Variants in FAM240B observed in about 807,000 individuals in gnomAD.
The protein encoded by FAM240B is family with sequence similarity 240 member B.
chr9:38,700,989 G>T (rs970177902), intron 2 of FAM240B, among the ~76,000 whole-genome samples: 2 of 152,240 alleles, frequency 1.3e-5, no homozygotes, highest in African/African-American at 4.8e-5. Context: ...AGGAACGTAA[G>T]ACATTACTGG....
intron 1 of FAM240B, among the ~76,000 whole-genome samples, chr9:38,712,753 A>G (rs923905497): frequency 3.9e-5 from 6 of 152,216 alleles, no homozygotes; most frequent in African/African-American, 7.2e-5. Flanking sequence ...TCTGGGAAAT[A>G]AATCTTATTA....
chr9:38,696,567 T>C (rs1323462628), intron 2 of FAM240B, among the ~76,000 whole-genome samples: 4 of 152,170 alleles, frequency 2.6e-5, no homozygotes, highest in Non-Finnish European at 4.4e-5. Context: ...ACATTCATTC[T>C]GGGAGGCCAA....
chr9:38,719,175 A>C (rs757875555), intron 1 of FAM240B, among the ~76,000 whole-genome samples: 5 of 152,198 alleles, frequency 3.3e-5, no homozygotes, highest in Non-Finnish European at 5.9e-5. Context: ...AAGGGCAAAT[A>C]TCAATAATTA....
At chr9:38,713,185 G>T (rs1056057130) in intron 1 of FAM240B, among the ~76,000 whole-genome samples, 9 of 152,064 alleles carry the variant, frequency 5.9e-5, no homozygotes, top group Non-Finnish European at 1.2e-4. Context: ...TCTAGTTCAA[G>T]AATTAGATTT....
intron 1 of FAM240B, among the ~76,000 whole-genome samples, chr9:38,704,797 T>C (rs555288428): frequency 6.6e-6 from 1 of 152,280 alleles, no homozygotes; most frequent in East Asian, 1.9e-4. Flanking sequence ...TACAGCTCTG[T>C]CTCCACTCAC....
intron 1 of FAM240B, among the ~76,000 whole-genome samples, chr9:38,707,634 AAAC>A (rs371109293): frequency 0.056 from 8,305 of 148,054 alleles, 325 homozygotes; most frequent in Non-Finnish European, 0.086. Flanking sequence ...AACAAAAAAA[AAAC>A]CAAAAAATTA....
intron 2 of FAM240B, among the ~76,000 whole-genome samples, chr9:38,695,305 G>A (rs1447908307): frequency 1.3e-5 from 2 of 152,314 alleles, no homozygotes; most frequent in Non-Finnish European, 1.5e-5. Flanking sequence ...GATCGCGCAC[G>A]AGGTCAGGAG....
intron 1 of FAM240B, among the ~76,000 whole-genome samples, chr9:38,716,194 C>T (rs941079938): frequency 6.6e-5 from 10 of 152,126 alleles, no homozygotes; most frequent in South Asian, 2.1e-4. Context: ...GCCCTTGGCC[C>T]GGTGCGGTGG....
intron 2 of FAM240B, among the ~76,000 whole-genome samples, chr9:38,700,474 G>A (rs184612710): frequency 1.3e-5 from 2 of 152,286 alleles, no homozygotes; most frequent in East Asian, 1.9e-4. Context: ...TATAAGCACT[G>A]TCCAGTTTCT....
chr9:38,699,960 G>A (rs1238421954), intron 2 of FAM240B, among the ~76,000 whole-genome samples: 5 of 152,200 alleles, frequency 3.3e-5, no homozygotes, highest in Non-Finnish European at 7.3e-5. Context: ...TAGGCAGGAA[G>A]CATGCCTTGA....
intron 1 of FAM240B, among the ~76,000 whole-genome samples, chr9:38,704,465 T>G (rs1027645583): frequency 6.6e-6 from 1 of 152,254 alleles, no homozygotes; most frequent in East Asian, 1.9e-4. Flanking sequence ...TTTGACTCAG[T>G]TGTAATATCT....
Position 38,713,137 on chromosome 9 carries a change from A to G in FAM240B, c.-4+6885T>C, listed in dbSNP as rs539094180. Among the ~76,000 whole-genome samples, 9 of 152,182 alleles carry G rather than the reference A, an allele frequency of 5.9e-5. No individual in the cohort carries two copies. In the South Asian group the frequency reaches 1.9e-3, roughly 32 times the overall value. On this transcript the variant is annotated intron_variant, in intron 1 of 2. Coordinates refer to ENST00000637493, the MANE Select transcript of FAM240B (RefSeq NM_001394922.1). ...ACCCAGTAGAGGAGTGATAGGTACCACTCCAGGGATCATGATGAGTAGGCT... is the reference window on the plus strand; with the variant it reads ...ACCCAGTAGAGGAGTGATAGGTACCGCTCCAGGGATCATGATGAGTAGGCT...
At chr9:38,709,565 G>A (rs1191323371) in intron 1 of FAM240B, among the ~76,000 whole-genome samples, 1 of 152,144 alleles carries the variant, frequency 6.6e-6, no homozygotes, top group Non-Finnish European at 1.5e-5. Context: ...GCCCCCGTCG[G>A]GGCTCAAATG....
chr9:38,697,314 G>A (rs1208404311), intron 2 of FAM240B, among the ~76,000 whole-genome samples: 12 of 152,286 alleles, frequency 7.9e-5, no homozygotes, highest in African/African-American at 2.4e-4. Context: ...GGGCATGGCC[G>A]TGGTATTAAT....
chr9:38,702,258 A>AATTTGT (rs1382219693), intron 2 of FAM240B, among the ~76,000 whole-genome samples: 2 of 152,212 alleles, frequency 1.3e-5, no homozygotes, highest in Admixed American at 6.5e-5. Flanking sequence ...CCATTAGGCC[A>AATTTGT]CCAGGAGTGT....
intron 1 of FAM240B, among the ~76,000 whole-genome samples, chr9:38,711,630 T>TCTCC (rs1461246759): frequency 6.7e-6 from 1 of 150,082 alleles, no homozygotes; most frequent in African/African-American, 2.5e-5. Flanking sequence ...CCTCTTTCTC[T>TCTCC]CTCCCTCCCT....
chr9:38,706,089 T>C (rs1489080623), intron 1 of FAM240B, among the ~76,000 whole-genome samples: 1 of 152,226 alleles, frequency 6.6e-6, no homozygotes, highest in East Asian at 1.9e-4. Context: ...TTAAAACATT[T>C]TTATTTTTTA....
In FAM240B at chr9:38,694,707, G is replaced by A. The variant is rs565708729; in HGVS notation, c.*69C>T. 2.5e-6 allele frequency: 1 copy of A among 394,776 alleles called. No individual in the cohort carries two copies. Among genetic ancestry groups the A allele is most frequent in the East Asian group, 3.6e-5 (1 of 27,604 alleles). The allele number at this position is 394,776 out of a possible 1,614,324, so 24.5% of individuals were successfully genotyped here. ...CCTGTTTAGTAAATCAGCACAACTT[G>A]AGTGTTAGTTTTTTTCCCCTAGAAA... On this transcript the variant is annotated 3_prime_UTR_variant, in exon 3 of 3. Transcript: ENST00000637493.
intron 2 of FAM240B, among the ~76,000 whole-genome samples, chr9:38,697,349 G>A (rs144363353): frequency 1.3e-5 from 2 of 152,198 alleles, no homozygotes; most frequent in Non-Finnish European, 2.9e-5. Context: ...GCAAACTGCA[G>A]AACTTCTTTA....
Sources: gnomAD v4.1 joint callset for allele counts (sites outside exome capture counted in the v4.1 genomes callset) on GRCh38, gnomAD v4.1.1 for gene constraint, MANE v1.5 for transcripts, NCBI Gene and HGNC (gene_info 2026-07-23, HGNC 2026-07-21) for gene names.